PLXDC2: variants seen among roughly 807,000 people sequenced by gnomAD.
PLXDC2 encodes the protein plexin domain containing 2.
Under a neutral mutation model 68.9 loss-of-function variants are expected in PLXDC2, and 40 were observed. That is an observed-to-expected ratio of 0.58 (90% CI 0.45 to 0.76). The LOEUF is 0.76. Among genes scored for constraint, PLXDC2 ranks in the 30% least tolerant of loss-of-function variants. The probability of loss-of-function intolerance (pLI) is 0.00; values close to 1 mark genes in which losing one functional copy is unlikely to be tolerated. For missense variants in PLXDC2, 644 were observed against 661.9 expected (o/e 0.97, Z 0.30); for synonymous variants, 243 against 234.2 (o/e 1.04, Z -0.34).
intron 1 of PLXDC2, among the ~76,000 whole-genome samples, chr10:19,884,682 C>G (rs1438599164): frequency 2.6e-5 from 4 of 152,206 alleles, no homozygotes; most frequent in African/African-American, 9.7e-5. Flanking sequence ...AGGACATGAA[C>G]TCATCATTTT....
chr10:19,895,158 A>C (rs1838036854), intron 1 of PLXDC2, among the ~76,000 whole-genome samples: 1 of 152,194 alleles, frequency 6.6e-6, no homozygotes, highest in African/African-American at 2.4e-5. Context: ...TACTTTTCTT[A>C]ACAACTAGGG....
rs956953872 is a variant in PLXDC2, at chr10:19,830,800, G to A, written c.112+13609G>A. The stretch of plus-strand genomic sequence containing the variant: ...GATAAAAGTCTAGAGCCATCCATAG[G>A]CAATCTTGGACTGCCCAATGTGATA... On this transcript the variant is annotated intron_variant, in intron 1 of 13. Transcript: ENST00000377252. Among the ~76,000 whole-genome samples, 8 of 152,162 alleles carry A rather than the reference G, an allele frequency of 5.3e-5. 1 individual carries two copies. In the South Asian group the frequency reaches 1.0e-3, roughly 20 times the overall value.
At chr10:19,918,890 T>C (rs747521308) in intron 1 of PLXDC2, among the ~76,000 whole-genome samples, 9 of 152,176 alleles carry the variant, frequency 5.9e-5, no homozygotes, top group Non-Finnish European at 1.2e-4. Flanking sequence ...ATGTATGGAG[T>C]GCAAGTTGAG....
At chr10:20,021,785 G>A (rs1056807603) in intron 2 of PLXDC2, among the ~76,000 whole-genome samples, 10 of 151,706 alleles carry the variant, frequency 6.6e-5, no homozygotes, top group Admixed American at 6.6e-5. Context: ...TGCAACCTCC[G>A]CCTCCCTGGT....
At chr10:20,030,602 C>G (rs376207014) in intron 2 of PLXDC2, among the ~76,000 whole-genome samples, 2 of 152,292 alleles carry the variant, frequency 1.3e-5, no homozygotes, top group South Asian at 2.1e-4. Context: ...AGCAAAGATT[C>G]CTGCCACAGT....
intron 4 of PLXDC2, among the ~76,000 whole-genome samples, chr10:20,130,655 A>T (rs1214564992): frequency 6.6e-6 from 1 of 152,100 alleles, no homozygotes; most frequent in East Asian, 1.9e-4. Context: ...TATTATTTTA[A>T]GTTATATTCC....
chr10:20,065,782 T>C (rs192303953), intron 3 of PLXDC2, among the ~76,000 whole-genome samples: 9 of 152,328 alleles, frequency 5.9e-5, no homozygotes, highest in Admixed American at 5.2e-4. Flanking sequence ...AATCTAATGC[T>C]GCCAGTGCTG....
chr10:20,164,170 T>A (rs1834342664), intron 6 of PLXDC2, among the ~76,000 whole-genome samples: 2 of 152,180 alleles, frequency 1.3e-5, no homozygotes, highest in Admixed American at 1.3e-4. Context: ...TGTGCCTATA[T>A]GTGTGATAGG....
At chr10:20,011,463 G>A (rs1835113784) in intron 2 of PLXDC2, among the ~76,000 whole-genome samples, 1 of 152,162 alleles carries the variant, frequency 6.6e-6, no homozygotes, top group African/African-American at 2.4e-5. Context: ...TGTGAAAAAC[G>A]TCATCCACCA....
At chr10:19,874,660 C>G (rs1054673767) in intron 1 of PLXDC2, among the ~76,000 whole-genome samples, 2 of 152,148 alleles carry the variant, frequency 1.3e-5, no homozygotes, top group South Asian at 2.1e-4. Flanking sequence ...AGCGAATTTT[C>G]TTTCTAGGAG....
At chr10:19,901,050 A>T (rs1007671394) in intron 1 of PLXDC2, among the ~76,000 whole-genome samples, 8 of 151,324 alleles carry the variant, frequency 5.3e-5, no homozygotes, top group Non-Finnish European at 7.4e-5. Flanking sequence ...TATATATATA[A>T]AACAATTTAT....
chr10:20,209,655 C>G (rs1835041894), intron 9 of PLXDC2, among the ~76,000 whole-genome samples: 3 of 152,098 alleles, frequency 2.0e-5, no homozygotes, highest in South Asian at 4.1e-4. Flanking sequence ...CTCTCTTGTT[C>G]CCTGAACATT....
chr10:20,220,671 T>C (rs568467591), intron 12 of PLXDC2, among the ~76,000 whole-genome samples: 1 of 152,232 alleles, frequency 6.6e-6, no homozygotes, highest in South Asian at 2.1e-4. Flanking sequence ...CATTCATTGA[T>C]TTCTGCTCAA....
intron 3 of PLXDC2, among the ~76,000 whole-genome samples, chr10:20,062,827 A>G (rs1302063461): frequency 1.3e-5 from 2 of 152,138 alleles, no homozygotes; most frequent in Non-Finnish European, 2.9e-5. Flanking sequence ...ATTTTTATGT[A>G]TTAGAGATGT....
intron 1 of PLXDC2, among the ~76,000 whole-genome samples, chr10:19,937,749 A>G (rs1589546057): frequency 6.6e-6 from 1 of 151,886 alleles, no homozygotes; most frequent in Non-Finnish European, 1.5e-5. Context: ...AGGGTGGGCC[A>G]TCTCTGGGCA....
chr10:19,937,460 A>G (rs1446671354), intron 1 of PLXDC2, among the ~76,000 whole-genome samples: 1 of 150,730 alleles, frequency 6.6e-6, no homozygotes, highest in Non-Finnish European at 1.5e-5. Context: ...CTTCATCCAC[A>G]GCAGAATGAA....
intron 12 of PLXDC2, among the ~76,000 whole-genome samples, chr10:20,222,257 A>T (rs1363501768): frequency 6.6e-6 from 1 of 151,980 alleles, no homozygotes; most frequent in Non-Finnish European, 1.5e-5. Context: ...AAAATAGTTG[A>T]TTTTCTTAAT....
At chr10:20,194,190 CTGTGTGTGTGTGTGTGTGTG>C (rs58142621) in intron 9 of PLXDC2, among the ~76,000 whole-genome samples, 2 of 143,650 alleles carry the variant, frequency 1.4e-5, no homozygotes, top group African/African-American at 5.1e-5. Flanking sequence ...TTGAACTCAG[CTGTGTGTGTGTGTGTGTGTG>C]TGTGTGTGTG....
intron 1 of PLXDC2, among the ~76,000 whole-genome samples, chr10:19,908,807 G>A (rs970534372): frequency 6.6e-6 from 1 of 152,072 alleles, no homozygotes; most frequent in Non-Finnish European, 1.5e-5. Flanking sequence ...GGGTCTTTGT[G>A]TATTTCCAGG....
Sources: allele counts gnomAD v4.1 joint callset (sites outside exome capture counted in the v4.1 genomes callset), GRCh38; gene constraint gnomAD v4.1.1; transcripts MANE v1.5; gene names NCBI Gene and HGNC (gene_info 2026-07-23, HGNC 2026-07-21).